ARID1B: variants seen among roughly 807,000 people sequenced by gnomAD.
ARID1B encodes AT-rich interaction domain 1B.
Under a neutral mutation model 212.3 loss-of-function variants are expected in ARID1B, and 30 were observed. The ratio of observed to expected loss-of-function variants is 0.14; its 90% CI spans 0.11 to 0.19. The LOEUF is 0.19. Among genes scored for constraint, ARID1B ranks in the 10% least tolerant of loss-of-function variants. The pLI, the probability that ARID1B is intolerant of heterozygous loss-of-function variation, is 1.00. For synonymous variants in ARID1B, 1,402 were observed against 1,301.7 expected (o/e 1.08, Z -1.66); for missense variants, 2,891 against 3,204.0 (o/e 0.90, Z 2.36).
rs1236873056 is a variant in ARID1B at position 157,206,853 on chromosome 6, C to T, written c.6081C>T (p.Pro2027=). The T allele has an allele frequency of 1.9e-6, 3 of 1,614,186 alleles. No individual in the cohort carries two copies. The East Asian group carries it at 6.7e-5, about 36-fold the overall frequency. Residue 2027 remains proline, a synonymous_variant, in exon 20 of 20, where the codon CCC becomes CCT. Transcript: ENST00000636930. This position sits in a 1 kb window ranked among gnomAD's most constrained non-coding sequence, Gnocchi z 6.8. ...PGPQTESSKF[P]FGIQQAKSHR... ...CCCAGACCGAAAGCAGTAAGTTTCC[C>T]TTTGGTATCCAGCAAGCCAAAAGTC...
intron 4 of ARID1B, among the ~76,000 whole-genome samples, chr6:156,959,925 C>CTTTTTTT (rs138881152): frequency 5.7e-5 from 7 of 122,596 alleles, no homozygotes; most frequent in South Asian, 2.9e-4. Flanking sequence ...TTGTCAGCTT[C>CTTTTTTT]TTTTTTTTTT....
At chr6:157,054,101 G>C (rs1464739014) in intron 4 of ARID1B, among the ~76,000 whole-genome samples, 1 of 152,084 alleles carries the variant, frequency 6.6e-6, no homozygotes, top group Non-Finnish European at 1.5e-5. Context: ...GTGCGTGCCT[G>C]TAATCCCAGC....
intron 13 of ARID1B, among the ~76,000 whole-genome samples, chr6:157,187,589 G>A (rs1793059754): frequency 6.6e-6 from 1 of 152,182 alleles, no homozygotes; most frequent in African/African-American, 2.4e-5. Context: ...TGGCCATGCT[G>A]TCTGAAGTGT....
At chr6:156,804,705 C>T (rs1306991188) in intron 1 of ARID1B, among the ~76,000 whole-genome samples, 2 of 152,034 alleles carry the variant, frequency 1.3e-5, no homozygotes, top group Non-Finnish European at 2.9e-5. Flanking sequence ...CACCAAGTCC[C>T]TCCTACAACA....
intron 4 of ARID1B, among the ~76,000 whole-genome samples, chr6:156,985,869 G>A (rs993384905): frequency 1.3e-5 from 2 of 152,074 alleles, no homozygotes; most frequent in South Asian, 4.1e-4. Context: ...GGCTCATCTC[G>A]GATCAGGACA....
At chr6:156,827,040 C>G (rs1782789999) in intron 1 of ARID1B, among the ~76,000 whole-genome samples, 1 of 152,132 alleles carries the variant, frequency 6.6e-6, no homozygotes, top group African/African-American at 2.4e-5. Flanking sequence ...AATTAATGTG[C>G]TGGGTACACT....
At chr6:157,019,101 G>T (rs1375912706) in intron 4 of ARID1B, among the ~76,000 whole-genome samples, 2 of 152,156 alleles carry the variant, frequency 1.3e-5, no homozygotes, top group African/African-American at 4.8e-5. Flanking sequence ...CCTTTATCCC[G>T]AGGTAAGAAG....
In ARID1B at chr6:157,203,564, G is replaced by A; in HGVS notation, c.5264-302G>A. The stretch of plus-strand genomic sequence containing the variant: ...ACCACATTGCAGACTCTGTAGGGTG[G>A]CTGAAAGAAATAACCCGGCCATGAG... On this transcript the variant is annotated intron_variant, in intron 18 of 19. Transcript: ENST00000636930. This position sits in a 1 kb window ranked among gnomAD's most constrained non-coding sequence, Gnocchi z 4.4. 2.9e-6 allele frequency: 1 copy of A among 344,688 alleles called. No homozygotes were observed. Among genetic ancestry groups the A allele is most frequent in the Admixed American group, 4.1e-5 (1 of 24,332 alleles). 21.4% of individuals were successfully genotyped at this position (344,688 alleles called of 1,614,324 possible).
intron 11 of ARID1B, chr6:157,175,220 T>C: frequency 2.9e-6 from 1 of 344,116 alleles, no homozygotes; most frequent in Non-Finnish European, 4.9e-6. Flanking sequence ...TTTCTGGTAA[T>C]GAAAAAGCTG....
At chr6:157,054,483 A>G (rs1373844151) in intron 4 of ARID1B, among the ~76,000 whole-genome samples, 2 of 152,240 alleles carry the variant, frequency 1.3e-5, no homozygotes, top group Non-Finnish European at 2.9e-5. Flanking sequence ...GATAGGATTC[A>G]GAGCTACAAG....
At chr6:157,053,788 G>A (rs1489128832) in intron 4 of ARID1B, among the ~76,000 whole-genome samples, 3 of 152,272 alleles carry the variant, frequency 2.0e-5, no homozygotes, top group African/African-American at 7.2e-5. Flanking sequence ...TATGAAAGTG[G>A]ATGAGCTGGG....
chr6:157,140,395 G>A (rs139547048), intron 7 of ARID1B, among the ~76,000 whole-genome samples: 4,715 of 151,132 alleles, frequency 0.031, 258 homozygotes, highest in African/African-American at 0.11. Flanking sequence ...ACTTGAACCC[G>A]GGAGGCGGAG....
At chr6:156,977,593 T>G (rs1217200500) in intron 4 of ARID1B, among the ~76,000 whole-genome samples, 1 of 152,208 alleles carries the variant, frequency 6.6e-6, no homozygotes, top group Non-Finnish European at 1.5e-5. Context: ...GTTACACTAA[T>G]TTAATATTGT....
At chr6:156,966,687 G>A (rs751520637) in intron 4 of ARID1B, among the ~76,000 whole-genome samples, 7 of 150,756 alleles carry the variant, frequency 4.6e-5, no homozygotes, top group South Asian at 4.2e-4. Context: ...GAGCCACTGC[G>A]CCTGGCCATA....
intron 1 of ARID1B, among the ~76,000 whole-genome samples, chr6:156,788,680 T>G (rs1029706545): frequency 7.9e-5 from 12 of 152,202 alleles, no homozygotes; most frequent in Non-Finnish European, 1.5e-4. Context: ...TGATTTAGAC[T>G]TGATCCTTAG....
At chr6:156,792,301 C>T (rs1036253081) in intron 1 of ARID1B, among the ~76,000 whole-genome samples, 1 of 152,122 alleles carries the variant, frequency 6.6e-6, no homozygotes, top group African/African-American at 2.4e-5. Flanking sequence ...GCAGCCCCCC[C>T]TTTTTAAAAA....
At chr6:156,805,695 A>G (rs1006302989) in intron 1 of ARID1B, among the ~76,000 whole-genome samples, 1 of 152,130 alleles carries the variant, frequency 6.6e-6, no homozygotes, top group Non-Finnish European at 1.5e-5. Context: ...TTAATTATTT[A>G]TTTAATTTTA....
chr6:157,185,040 A>C (rs1417973146), intron 13 of ARID1B: 1 of 157,816 alleles, frequency 6.3e-6, no homozygotes, highest in Non-Finnish European at 1.4e-5. Context: ...CAGGGGTCTT[A>C]GGAATGGGTG....
chr6:156,783,679 C>T (rs1303186358), intron 1 of ARID1B, among the ~76,000 whole-genome samples: 1 of 152,084 alleles, frequency 6.6e-6, no homozygotes, highest in Non-Finnish European at 1.5e-5. Context: ...ATTTGATGAA[C>T]ATTTGTTAGG....
Sources: gnomAD v4.1 joint callset for allele counts (sites outside exome capture counted in the v4.1 genomes callset) on GRCh38, gnomAD v4.1.1 for gene constraint, Gnocchi (gnomAD v3.1) non-coding constraint, MANE v1.5 for transcripts, NCBI Gene and HGNC (gene_info 2026-07-23, HGNC 2026-07-21) for gene names.